Variants in MIEN1 observed in about 807,000 individuals in gnomAD.
MIEN1 encodes HBV X-transactivated gene 4 protein.
In MIEN1, 12 loss-of-function variants were observed where a neutral mutation model predicts 15.5. The ratio of observed to expected loss-of-function variants is 0.78; its 90% confidence interval spans 0.50 to 1.26. MIEN1 has a LOEUF of 1.26. MIEN1 is among the 50% of genes most tolerant of loss of function. The pLI is 0.00. For missense variants in MIEN1, 160 were observed against 151.7 expected, an observed-to-expected ratio of 1.05 and a Z score of -0.29; for synonymous variants, 63 against 62.8, an observed-to-expected ratio of 1.00 and a Z score of -0.02.
chr17:39,730,356 C>A, intron 1 of MIEN1, 51 bp downstream of exon 1: 1 of 1,557,000 alleles, frequency 6.4e-7, no homozygotes, highest in Non-Finnish European at 8.7e-7. Flanking sequence ...GGACCCACCT[C>A]CGTCCGGCCC....
Position 39,729,600 on chromosome 17 carries a change from A to C in MIEN1, c.270T>G (p.Ile90Met). 1.9e-6 allele frequency: 3 copies of C among 1,614,042 alleles called. No homozygotes were observed. Among genetic ancestry groups the C allele is most frequent in the Non-Finnish European group, 2.5e-6 (3 of 1,179,972 alleles). The change falls in exon 4 of 4, where the codon ATT (isoleucine) becomes ATG (methionine). Residue 90 changes from isoleucine (I) to methionine (M), a missense_variant. Ile to Met is a conservative substitution (Grantham distance 10). Transcript: ENST00000394231. Reference sequence around the variant, plus strand: ...CATTACTGGCTCTTCGGATGGCCTCAATGAGCTAGAGGAGTGGAATGACAG... The same window carrying C: ...CATTACTGGCTCTTCGGATGGCCTCCATGAGCTAGAGGAGTGGAATGACAG... Reference protein sequence around the residue: ...NGGFPYEKDLIEAIRRASNGE... With the variant: ...NGGFPYEKDLMEAIRRASNGE...
At position 39,730,206 on chromosome 17, in the gene MIEN1, G is replaced by A. The variant is rs1399834459; in HGVS notation, c.175C>T (p.Leu59Phe). Residue 59 changes from leucine to phenylalanine, a missense_variant, in exon 2 of 4, where the codon CTC becomes TTC. Transcript: ENST00000394231. ...QYPGIEIESRLGGTGAFEIEI... is the reference protein window; with the variant it reads ...QYPGIEIESRFGGTGAFEIEI... ...CTGCGAGCCTCACCTGTGCCCCCGA[G>A]GCGCGACTCGATCTCGATGCCCGGA... The A allele has an allele frequency of 6.2e-7, 1 of 1,606,528 alleles. No individual in the cohort carries two copies. The highest frequency in any genetic ancestry group is 8.5e-7 in the Non-Finnish European group (1 of 1,178,984).
At position 39,729,149 on chromosome 17, in the gene MIEN1, G is replaced by C. The variant is rs879835574; in HGVS notation, c.*373C>G. 19 of 263,270 alleles carry C rather than the reference G, an allele frequency of 7.2e-5. No individual in the cohort carries two copies. The highest frequency in any genetic ancestry group is 1.3e-4 in the Non-Finnish European group (18 of 135,510). 16.3% of individuals were successfully genotyped at this position (263,270 alleles called of 1,614,324 possible). On this transcript the variant is annotated 3_prime_UTR_variant, in exon 4 of 4. Transcript: ENST00000394231. ...ACTGGACGTATAAAAACACACACTA[G>C]TTAGCATTAGTGTTTGTAGCGCCAC...
Position 39,729,489 on chromosome 17 carries a change from C to T in MIEN1, c.*33G>A, listed in dbSNP as rs185534269. ...CAAAGGGAGACCAAGGTTTGGACCC[C>T]AGAACAGAGCAGGAACCCAGAGTCC... On this transcript the variant is annotated 3_prime_UTR_variant, in exon 4 of 4. Coordinates refer to ENST00000394231, the MANE Select transcript of MIEN1 (RefSeq NM_032339.5). The T allele has an allele frequency of 1.2e-4, 199 of 1,612,566 alleles. 2 individuals carry two copies. The African/African-American group carries it at 2.4e-3, about 19-fold the overall frequency.
At position 39,728,782 on chromosome 17, in the gene MIEN1, G is replaced by C. The variant is rs998140698; in HGVS notation, c.*740C>G. On this transcript the variant is annotated 3_prime_UTR_variant, in exon 4 of 4. Transcript: ENST00000394231. ...TTCAGAAAGCTTGGATGAGGAGCCA[G>C]ACATCCAGTTCTCCAGCTTCAGGGT... is the stretch of plus-strand genomic sequence containing the variant. 1 of 212,096 alleles carries C rather than the reference G, an allele frequency of 4.7e-6. No homozygotes were observed. The highest frequency in any genetic ancestry group is 2.3e-5 in the African/African-American group (1 of 44,130). The allele number at this position is 212,096 out of a possible 1,614,324, so 13.1% of individuals were successfully genotyped here.
Position 39,729,434 on chromosome 17 carries a change from G to A in MIEN1, c.*88C>T. ...CTCTTTGCTAAGGAGCTAAGTAGGG[G>A]AAAGAGGCAGGGGGAGCTCCCAGCA... is the stretch of plus-strand genomic sequence containing the variant. On this transcript the variant is annotated 3_prime_UTR_variant, in exon 4 of 4. Transcript: ENST00000394231. 1.3e-6 allele frequency: 2 copies of A among 1,550,180 alleles called. No homozygotes were observed. Among genetic ancestry groups the A allele is most frequent in the Non-Finnish European group, 1.8e-6 (2 of 1,131,310 alleles).
In MIEN1 at chr17:39,729,773, TC is replaced by T. The variant is rs745625278; in HGVS notation, c.188-13del. ...TATCTCAAAGGCACCTGGTAAGAAA[TC>T]AACAGATAAATGGTACACTGAGAAC... On this transcript the variant is annotated splice_polypyrimidine_tract_variant and intron_variant, in intron 2 of 3. Transcript: ENST00000394231. 4 of 1,613,978 alleles carry T rather than the reference TC, an allele frequency of 2.5e-6. No homozygotes were observed. In the South Asian group the frequency reaches 4.4e-5, roughly 18 times the overall value.
In MIEN1 at chr17:39,729,113, C is replaced by CA. The variant is rs2143351821; in HGVS notation, c.*408dup. 4.8e-6 allele frequency: 1 copy of CA among 206,218 alleles called. No homozygotes were observed. Among genetic ancestry groups the CA allele is most frequent in the African/African-American group, 2.3e-5 (1 of 42,918 alleles). The allele number at this position is 206,218 out of a possible 1,614,324, so 12.8% of individuals were successfully genotyped here. A position where few individuals can be genotyped will look rare whatever the true frequency, so the allele number is the denominator to read the frequency against. ...GGGCTGACCGGACTTCTGTGCCCCCCACATTCCCAGACTGGACGTATAAAA... is the reference window on the plus strand; with the variant it reads ...GGGCTGACCGGACTTCTGTGCCCCCCAACATTCCCAGACTGGACGTATAAAA... On this transcript the variant is annotated 3_prime_UTR_variant, in exon 4 of 4. Transcript: ENST00000394231.
rs775132011 is a variant in MIEN1, at chr17:39,729,674, T to C, written c.264+11A>G. On this transcript the variant is annotated intron_variant, in intron 3 of 3. Coordinates refer to ENST00000394231, the MANE Select transcript of MIEN1 (RefSeq NM_032339.5). ...TGACCAAGAGGTCCTCCCAACGCTG[T>C]AAATACTCACATCTTTCTCATAGGG... 2 of 1,614,174 alleles carry C rather than the reference T, an allele frequency of 1.2e-6. No homozygotes were observed. The highest frequency in any genetic ancestry group is 1.7e-6 in the Non-Finnish European group (2 of 1,180,024).
chr17:39,729,651 A>G (rs2059922793), intron 3 of MIEN1, 34 bp downstream of exon 3: 1 of 1,614,106 alleles, frequency 6.2e-7, no homozygotes. Context: ...GGGTAGGGTG[A>G]CCAAGAGGTC....
chr17:39,729,485 A>G lies in MIEN1; in HGVS notation c.*37T>C. On this transcript the variant is annotated 3_prime_UTR_variant, in exon 4 of 4. Transcript: ENST00000394231. ...GGACCAAAGGGAGACCAAGGTTTGG[A>G]CCCCAGAACAGAGCAGGAACCCAGA... The G allele has an allele frequency of 1.2e-6, 2 of 1,611,848 alleles. No homozygotes were observed. The highest frequency in any genetic ancestry group is 1.7e-6 in the Non-Finnish European group (2 of 1,179,656).
rs988888166 is a variant in MIEN1 at position 39,729,433 on chromosome 17, G to T, written c.*89C>A. 3.2e-6 allele frequency: 5 copies of T among 1,543,584 alleles called. No individual in the cohort carries two copies. In the African/African-American group the frequency reaches 6.8e-5, roughly 21 times the overall value. On this transcript the variant is annotated 3_prime_UTR_variant, in exon 4 of 4. Coordinates refer to ENST00000394231, the MANE Select transcript of MIEN1 (RefSeq NM_032339.5). ...TCTCTTTGCTAAGGAGCTAAGTAGG[G>T]GAAAGAGGCAGGGGGAGCTCCCAGC...
In MIEN1 at chr17:39,729,666, C is replaced by A. The variant is rs745650623; in HGVS notation, c.264+19G>T. The A allele has an allele frequency of 6.2e-7, 1 of 1,614,162 alleles. No individual in the cohort carries two copies. Among genetic ancestry groups the A allele is most frequent in the Admixed American group, 1.7e-5 (1 of 60,014 alleles). Reference sequence around the variant, plus strand: ...GGGTAGGGTGACCAAGAGGTCCTCCCAACGCTGTAAATACTCACATCTTTC... The same window carrying A: ...GGGTAGGGTGACCAAGAGGTCCTCCAAACGCTGTAAATACTCACATCTTTC... On this transcript the variant is annotated intron_variant, in intron 3 of 3. Transcript: ENST00000394231.
chr17:39,730,390 C>T lies in MIEN1; in HGVS notation c.89+17G>A. 1.9e-6 allele frequency: 3 copies of T among 1,552,748 alleles called. No homozygotes were observed. Among genetic ancestry groups the T allele is most frequent in the Non-Finnish European group, 2.6e-6 (3 of 1,149,318 alleles). On this transcript the variant is annotated intron_variant, in intron 1 of 3. Transcript: ENST00000394231. ...CCGCGGGACCAGGGTGCGGGTCCTC[C>T]AGCCGGGGCCGCTCACCAGTACTCC...
In MIEN1 at chr17:39,729,274, C is replaced by T. The variant is rs4252666; in HGVS notation, c.*248G>A. On this transcript the variant is annotated 3_prime_UTR_variant, in exon 4 of 4. Coordinates refer to ENST00000394231, the MANE Select transcript of MIEN1 (RefSeq NM_032339.5). ...CGAGGCGAAGAGTGGACTGGGCTTT[C>T]GTGGGCACTTACCCTGGGAAGGGGG... The T allele has an allele frequency of 7.7e-5, 43 of 559,988 alleles. No homozygotes were observed. The South Asian group carries it at 9.3e-4, about 12-fold the overall frequency. 34.7% of individuals were successfully genotyped at this position (559,988 alleles called of 1,614,324 possible).
rs1197893138 is a variant in MIEN1 at position 39,729,928 on chromosome 17, G to A, written c.188-167C>T. ...CTGGGTCAACTCCAGGGAACCTGAGGGAGGCCTCGCCTGTGTGCCCCTCGC... is the reference window on the plus strand; with the variant it reads ...CTGGGTCAACTCCAGGGAACCTGAGAGAGGCCTCGCCTGTGTGCCCCTCGC... On this transcript the variant is annotated intron_variant, in intron 2 of 3. Coordinates refer to ENST00000394231, the MANE Select transcript of MIEN1 (RefSeq NM_032339.5). 4 of 872,186 alleles carry A rather than the reference G, an allele frequency of 4.6e-6. No homozygotes were observed. The East Asian group carries it at 1.1e-4, about 23-fold the overall frequency. The allele number at this position is 872,186 out of a possible 1,614,324, so 54.0% of individuals were successfully genotyped here.
At chr17:39,729,976 CCCCT>C in intron 2 of MIEN1, 2 of 692,048 alleles carry the variant, frequency 2.9e-6, no homozygotes, top group Admixed American at 5.5e-5. Flanking sequence ...AGGACTCCCT[CCCCT>C]CCAACCCTAC....
chr17:39,730,352 A>G (rs1597896237), intron 1 of MIEN1, 55 bp downstream of exon 1: 1 of 1,558,434 alleles, frequency 6.4e-7, no homozygotes. Context: ...CCGTGGACCC[A>G]CCTCCGTCCG....
At chr17:39,729,878 T>C (rs1403424700) in intron 2 of MIEN1, 117 bp from the exon 3 acceptor site, 3 of 1,349,416 alleles carry the variant, frequency 2.2e-6, no homozygotes, top group Non-Finnish European at 3.1e-6. Context: ...GACCCATTTG[T>C]AGCTCCTTAA....
Sources: gnomAD v4.1 joint callset for allele counts on GRCh38, gnomAD v4.1.1 for gene constraint, MANE v1.5 for transcripts, NCBI Gene and HGNC (gene_info 2026-07-23, HGNC 2026-07-21) for gene names.